Variants in TRPC5 observed in about 807,000 individuals in gnomAD.
TRPC5 encodes transient receptor potential cation channel subfamily C member 5.
Under a neutral mutation model 56.5 loss-of-function variants are expected in TRPC5, and 9 were observed. The observed-to-expected ratio is 0.16, with a 90% CI of 0.10 to 0.28. The LOEUF is 0.28. Ranked by LOEUF, TRPC5 falls within the 10% of genes least tolerant of loss-of-function variation. TRPC5 has a pLI of 1.00. For missense variants in TRPC5, 469 were observed against 748.9 expected, an observed-to-expected ratio of 0.63 and a Z score of 4.36; for synonymous variants, 282 against 278.5, an observed-to-expected ratio of 1.01 and a Z score of -0.13.
rs993641836 is a variant in TRPC5 at position 111,768,934 on chromosome X, T to C, written c.*7379A>G. 3.6e-5 allele frequency among the ~76,000 whole-genome samples: 4 copies of C among 110,091 alleles called. No individual in the cohort carries two copies. The highest frequency in any genetic ancestry group is 1.4e-4 in the African/African-American group (4 of 29,006). On this transcript the variant is annotated 3_prime_UTR_variant, in exon 11 of 11. Transcript: ENST00000262839. ...GGATATTTAAACTGATTGCTTAATA[T>C]GTTTTACAAGGAGGTCCTACAAGGT...
intron 1 of TRPC5, among the ~76,000 whole-genome samples, chrX:112,048,270 G>T (rs1930112034): frequency 9.0e-6 from 1 of 110,643 alleles, no homozygotes; most frequent in South Asian, 3.8e-4. Context: ...GCGTCGTGGC[G>T]TGTGCCTGTA....
chrX:111,961,868 T>A (rs746481967), intron 1 of TRPC5, among the ~76,000 whole-genome samples: 2 of 111,441 alleles, frequency 1.8e-5, no homozygotes, highest in Non-Finnish European at 3.8e-5. Context: ...CAATCAACAG[T>A]TGACTGGATT....
chrX:111,983,723 G>C (rs140232627), intron 1 of TRPC5, among the ~76,000 whole-genome samples: 12 of 110,898 alleles, frequency 1.1e-4, no homozygotes, highest in Middle Eastern at 4.6e-3. Context: ...CTCTCCTTAA[G>C]GGACATCCTA....
chrX:111,995,087 T>C (rs1285822081), intron 1 of TRPC5, among the ~76,000 whole-genome samples: 2 of 112,011 alleles, frequency 1.8e-5, no homozygotes, highest in African/African-American at 6.5e-5. Context: ...TTCTGTATGA[T>C]ATTGGCTGTG....
chrX:112,005,079 G>A (rs748121901), intron 1 of TRPC5, among the ~76,000 whole-genome samples: 5 of 111,286 alleles, frequency 4.5e-5, no homozygotes, highest in Non-Finnish European at 7.5e-5. Flanking sequence ...GCGTGCATGT[G>A]TCTTTATGAT....
chrX:111,858,384 T>A (rs1923300300), intron 3 of TRPC5, among the ~76,000 whole-genome samples: 2 of 111,033 alleles, frequency 1.8e-5, no homozygotes, highest in African/African-American at 6.6e-5. Context: ...AATTTGTAGT[T>A]TTTGTTGTTG....
chrX:111,999,921 G>A (rs950059379), intron 1 of TRPC5, among the ~76,000 whole-genome samples: 2 of 111,189 alleles, frequency 1.8e-5, no homozygotes, highest in African/African-American at 3.3e-5. Flanking sequence ...ACCCGAGATC[G>A]CACCACTGCA....
intron 1 of TRPC5, among the ~76,000 whole-genome samples, chrX:112,053,395 G>T (rs186098043): frequency 1.8e-5 from 2 of 111,726 alleles, no homozygotes; most frequent in Admixed American, 9.5e-5. Context: ...CTATGTTTCG[G>T]TGTTGTAGTG....
chrX:111,827,963 C>G (rs1368360714), intron 7 of TRPC5, among the ~76,000 whole-genome samples: 1 of 111,793 alleles, frequency 8.9e-6, no homozygotes, highest in East Asian at 2.8e-4. Context: ...TTACTCCACT[C>G]CAGTCATACT....
intron 3 of TRPC5, among the ~76,000 whole-genome samples, chrX:111,870,041 C>T (rs989945206): frequency 2.7e-5 from 3 of 111,750 alleles, no homozygotes; most frequent in Non-Finnish European, 3.8e-5. Flanking sequence ...ATGCTAATGA[C>T]CTATGAAAGA....
intron 7 of TRPC5, among the ~76,000 whole-genome samples, chrX:111,827,689 G>C: frequency 8.9e-6 from 1 of 111,838 alleles, no homozygotes; most frequent in Non-Finnish European, 1.9e-5. Context: ...ATCAGCTTTT[G>C]TCTGGGTTAG....
chrX:111,999,795 G>A (rs998476586), intron 1 of TRPC5, among the ~76,000 whole-genome samples: 6 of 110,901 alleles, frequency 5.4e-5, no homozygotes, highest in Admixed American at 9.6e-5. Context: ...GCAAAACCCC[G>A]TCTCTACTAA....
At chrX:111,987,759 C>T (rs756642814) in intron 1 of TRPC5, among the ~76,000 whole-genome samples, 1 of 112,571 alleles carries the variant, frequency 8.9e-6, no homozygotes, top group African/African-American at 3.2e-5. Context: ...CCAGAAAAGA[C>T]TGATGTTGCA....
chrX:112,013,328 T>C (rs1475237395), intron 1 of TRPC5, among the ~76,000 whole-genome samples: 3 of 111,347 alleles, frequency 2.7e-5, no homozygotes, highest in African/African-American at 9.8e-5. Context: ...TTTTTGTATT[T>C]TTAGTAGAGA....
chrX:111,837,789 C>T (rs1442582073), intron 6 of TRPC5, among the ~76,000 whole-genome samples: 1 of 109,284 alleles, frequency 9.2e-6, no homozygotes, highest in Non-Finnish European at 1.9e-5. Context: ...AATCTTCGCT[C>T]AGCCAGGCAT....
At chrX:111,842,512 T>G (rs1166058059) in intron 6 of TRPC5, among the ~76,000 whole-genome samples, 1 of 112,053 alleles carries the variant, frequency 8.9e-6, no homozygotes, top group Non-Finnish European at 1.9e-5. Flanking sequence ...AGTCTTCATG[T>G]GTATCATTTT....
In TRPC5 at chrX:112,054,772, GC is replaced by G. The variant is rs746496359; in HGVS notation, c.-22+27106del. The stretch of plus-strand genomic sequence containing the variant: ...TCATACTGTCACCTCCTCTTGAGAA[GC>G]CCTCTCTCTCCATCTCCTTGAAAAT... On this transcript the variant is annotated intron_variant, in intron 1 of 10. Coordinates refer to ENST00000262839, the MANE Select transcript of TRPC5 (RefSeq NM_012471.3). 5.4e-5 allele frequency among the ~76,000 whole-genome samples: 6 copies of G among 111,449 alleles called. No homozygotes were observed. The South Asian group carries it at 2.3e-3, about 43-fold the overall frequency.
At chrX:112,059,323 A>G (rs1930410346) in intron 1 of TRPC5, among the ~76,000 whole-genome samples, 1 of 112,109 alleles carries the variant, frequency 8.9e-6, no homozygotes, top group African/African-American at 3.2e-5. Context: ...AACACATGGA[A>G]TAATCTCTGC....
chrX:111,995,992 G>C lies in TRPC5; in HGVS notation c.-21-43551C>G, dbSNP rs764308626. ...GTGTGTCTCTATCTCTTTCACTTCT[G>C]CTCTGATCTTAGTTATTTCTTGCCT... On this transcript the variant is annotated intron_variant, in intron 1 of 10. Coordinates refer to ENST00000262839, the MANE Select transcript of TRPC5 (RefSeq NM_012471.3). Among the ~76,000 whole-genome samples, 9 of 107,852 alleles carry C rather than the reference G, an allele frequency of 8.3e-5. No homozygotes were observed. The East Asian group carries it at 2.6e-3, about 31-fold the overall frequency. The allele number at this position is 107,852 out of a possible 115,157, so 93.7% of individuals were successfully genotyped here. A position where few individuals can be genotyped will look rare whatever the true frequency, so the allele number is the denominator to read the frequency against.
Sources: allele counts gnomAD v4.1 joint callset (sites outside exome capture counted in the v4.1 genomes callset), GRCh38; gene constraint gnomAD v4.1.1; transcripts MANE v1.5; gene names NCBI Gene and HGNC (gene_info 2026-07-23, HGNC 2026-07-21).